TXNDC9: variants seen among roughly 807,000 people sequenced by gnomAD.
The protein encoded by TXNDC9 is thioredoxin domain containing 9.
Under a neutral mutation model 23.0 loss-of-function variants are expected in TXNDC9, and 7 were observed. The observed-to-expected ratio is 0.30, with a 90% CI of 0.17 to 0.57. The LOEUF (loss-of-function observed/expected upper bound fraction) is 0.57. Ranked by LOEUF, TXNDC9 falls within the 20% of genes least tolerant of loss-of-function variation. The probability of loss-of-function intolerance (pLI) is 0.90; values close to 1 mark genes in which losing one functional copy is unlikely to be tolerated. For synonymous variants in TXNDC9, 72 were observed against 90.6 expected (o/e 0.79, Z 1.17); for missense variants, 198 against 252.6 (o/e 0.78, Z 1.47).
chr2:99,334,720 CT>C (rs970365754), intron 1 of TXNDC9, among the ~76,000 whole-genome samples: 8 of 149,836 alleles, frequency 5.3e-5, no homozygotes, highest in South Asian at 2.1e-4. Flanking sequence ...CAAAATTTTA[CT>C]TTTTTTTTTG....
chr2:99,334,391 A>G (rs1272852125), intron 1 of TXNDC9, among the ~76,000 whole-genome samples: 1 of 152,216 alleles, frequency 6.6e-6, no homozygotes, highest in Non-Finnish European at 1.5e-5. Context: ...AACAATGAGA[A>G]TACATTCTGA....
the TXNDC9 span, among the ~76,000 whole-genome samples, chr2:99,307,109 ACT>A: frequency 1.2e-5 from 1 of 84,002 alleles, no homozygotes; most frequent in Non-Finnish European, 2.5e-5. Context: ...TCTCCTTCTC[ACT>A]CTCTCTCTCT....
chr2:99,324,191 A>T (rs1461470762), intron 3 of TXNDC9, among the ~76,000 whole-genome samples: 3 of 152,208 alleles, frequency 2.0e-5, no homozygotes, highest in Non-Finnish European at 4.4e-5. Flanking sequence ...ATTCTCTGGC[A>T]GTGGAGTTGG....
At chr2:99,308,148 A>G in the TXNDC9 span, among the ~76,000 whole-genome samples, 3 of 152,136 alleles carry the variant, frequency 2.0e-5, no homozygotes, top group Non-Finnish European at 4.4e-5. Context: ...TGGAGTTCTG[A>G]ACTCTCAAAA....
the TXNDC9 span, among the ~76,000 whole-genome samples, chr2:99,310,943 A>G: frequency 2.0e-5 from 3 of 152,278 alleles, no homozygotes; most frequent in African/African-American, 7.2e-5. Context: ...CTGAGAGGCA[A>G]AGGCTAGTCC....
chr2:99,308,300 T>C, the TXNDC9 span, among the ~76,000 whole-genome samples: 1 of 152,118 alleles, frequency 6.6e-6, no homozygotes, highest in African/African-American at 2.4e-5. Context: ...AGGCTGGTAA[T>C]TATTGATTAC....
chr2:99,334,348 C>T (rs1030496964), intron 1 of TXNDC9, among the ~76,000 whole-genome samples: 4 of 152,204 alleles, frequency 2.6e-5, no homozygotes, highest in Non-Finnish European at 5.9e-5. Flanking sequence ...GAGCCAGACC[C>T]TGTCTCAAAA....
intron 3 of TXNDC9, among the ~76,000 whole-genome samples, chr2:99,325,605 A>G (rs1574906878): frequency 6.6e-6 from 1 of 152,350 alleles, no homozygotes; most frequent in Non-Finnish European, 1.5e-5. Flanking sequence ...TTGACCACCT[A>G]CTATGCGTCA....
intron 1 of TXNDC9, among the ~76,000 whole-genome samples, chr2:99,334,955 C>T (rs1213015508): frequency 1.3e-5 from 2 of 152,178 alleles, no homozygotes; most frequent in African/African-American, 4.8e-5. Context: ...ACCTCGTGAT[C>T]CGCCCGCCTC....
the TXNDC9 span, among the ~76,000 whole-genome samples, chr2:99,308,636 CAA>C: frequency 6.6e-6 from 1 of 151,662 alleles, no homozygotes; most frequent in African/African-American, 2.4e-5. Context: ...ATTAGAATAA[CAA>C]GAGGAGGATG....
chr2:99,315,354 C>T (rs932746862), downstream of TXNDC9, among the ~76,000 whole-genome samples: 22 of 152,166 alleles, frequency 1.4e-4, no homozygotes, highest in Non-Finnish European at 2.2e-4. Context: ...CATGAGCCAC[C>T]GCGCCCGGCC....
chr2:99,333,505 C>T (rs1324200100), intron 1 of TXNDC9, among the ~76,000 whole-genome samples: 6 of 152,086 alleles, frequency 3.9e-5, no homozygotes, highest in African/African-American at 1.2e-4. Context: ...TATACTAAAG[C>T]CAAGACAAGT....
chr2:99,331,799 G>C (rs900495920), intron 2 of TXNDC9, among the ~76,000 whole-genome samples: 1 of 152,044 alleles, frequency 6.6e-6, no homozygotes, highest in East Asian at 1.9e-4. Flanking sequence ...GCACAATCTC[G>C]ACTCACGGCA....
intron 2 of TXNDC9, among the ~76,000 whole-genome samples, chr2:99,331,452 T>C (rs2105325801): frequency 7.0e-6 from 1 of 143,224 alleles, no homozygotes; most frequent in Middle Eastern, 3.8e-3. Context: ...CAGGCACCTG[T>C]AATCCCAGCT....
At chr2:99,308,551 A>G in the TXNDC9 span, among the ~76,000 whole-genome samples, 1 of 151,870 alleles carries the variant, frequency 6.6e-6, no homozygotes, top group South Asian at 2.1e-4. Flanking sequence ...CTGTGAGGCA[A>G]TGGGCTGGAA....
intron 2 of TXNDC9, among the ~76,000 whole-genome samples, chr2:99,331,521 A>G (rs1167453274): frequency 6.6e-6 from 1 of 151,936 alleles, no homozygotes; most frequent in African/African-American, 2.4e-5. Context: ...AAAAAAAAAA[A>G]AAAAAGAAAG....
At chr2:99,326,524 G>A (rs1377652054) in intron 3 of TXNDC9, among the ~76,000 whole-genome samples, 3 of 152,126 alleles carry the variant, frequency 2.0e-5, no homozygotes, top group Admixed American at 2.0e-4. Flanking sequence ...TTCTAAGTGT[G>A]GATATTTTCA....
intron 4 of TXNDC9, among the ~76,000 whole-genome samples, chr2:99,320,674 A>G (rs892883362): frequency 2.0e-5 from 3 of 152,234 alleles, no homozygotes; most frequent in African/African-American, 4.8e-5. Flanking sequence ...TCCTGTTTCA[A>G]TAATTGTACT....
At chr2:99,330,704 T>C (rs2094222735) in intron 2 of TXNDC9, among the ~76,000 whole-genome samples, 1 of 152,200 alleles carries the variant, frequency 6.6e-6, no homozygotes, top group African/African-American at 2.4e-5. Flanking sequence ...CAGAAGAATA[T>C]AGATTCACCT....
Sources: gnomAD v4.1 joint callset for allele counts (sites outside exome capture counted in the v4.1 genomes callset) on GRCh38, gnomAD v4.1.1 for gene constraint, MANE v1.5 for transcripts, NCBI Gene and HGNC (gene_info 2026-07-23, HGNC 2026-07-21) for gene names.